The following ZNF131 variants were observed in gnomAD, a reference collection of about 807,000 sequenced individuals.
ZNF131 encodes zinc finger protein 131.
A neutral mutation model predicts 60.0 loss-of-function variants in ZNF131; 7 were observed. The ratio of observed to expected loss-of-function variants is 0.12; its 90% confidence interval spans 0.07 to 0.22. The LOEUF (loss-of-function observed/expected upper bound fraction) is 0.22. Ranked by LOEUF, ZNF131 falls within the 10% of genes least tolerant of loss-of-function variation. The pLI, the probability that ZNF131 is intolerant of heterozygous loss-of-function variation, is 1.00. For synonymous variants in ZNF131, 257 were observed against 253.2 expected (o/e 1.01, Z -0.14); for missense variants, 493 against 740.9 (o/e 0.67, Z 3.88).
At chr5:43,123,121 T>G (rs950866011) in intron 2 of ZNF131, 88 bp from the exon 3 acceptor site, 2 of 1,022,126 alleles carry the variant, frequency 2.0e-6, no homozygotes, top group African/African-American at 3.3e-5. Context: ...CCTATTTTGC[T>G]TTATATGATT....
Position 43,176,230 on chromosome 5 carries a change from AAATAT to A in ZNF131, c.*1100_*1104del, listed in dbSNP as rs1288251800. On this transcript the variant is annotated 3_prime_UTR_variant, in exon 7 of 7. Transcript: ENST00000682664. ...TTTAATCAGTATTACTTGGAAAATA[AAATAT>A]AACAAACCCATAGACCAATATGCTA... The A allele has an allele frequency of 1.3e-5, 2 of 152,340 alleles. No homozygotes were observed. The highest frequency in any genetic ancestry group is 6.5e-5 in the Admixed American group (1 of 15,296). 9.4% of individuals were successfully genotyped at this position (152,340 alleles called of 1,614,324 possible).
At chr5:43,125,306 T>C (rs1185067108) in intron 3 of ZNF131, among the ~76,000 whole-genome samples, 1 of 151,786 alleles carries the variant, frequency 6.6e-6, no homozygotes, top group Non-Finnish European at 1.5e-5. Context: ...AATTTTTTTT[T>C]TCTTTTTTTT....
intron 4 of ZNF131, among the ~76,000 whole-genome samples, chr5:43,150,127 T>C (rs2111717166): frequency 6.6e-6 from 1 of 152,288 alleles, no homozygotes; most frequent in Admixed American, 6.5e-5. Context: ...CTCACAGTTG[T>C]TTGCATCACA....
intron 5 of ZNF131, among the ~76,000 whole-genome samples, chr5:43,168,420 A>G (rs1472115916): frequency 6.6e-6 from 1 of 152,192 alleles, no homozygotes; most frequent in Non-Finnish European, 1.5e-5. Context: ...CATTATGGCC[A>G]GAGGGTTAGG....
Position 43,161,568 on chromosome 5 carries a change from A to G in ZNF131, c.691A>G (p.Lys231Glu). The change falls in exon 5 of 7, where the codon AAA (lysine) becomes GAA (glutamate). Residue 231 changes from lysine to glutamate, a missense_variant. Around this residue, in one of 7 missense-constraint regions of ZNF131, gnomAD observed 138 missense variants for 158.7 expected, o/e 0.87. Coordinates refer to ENST00000682664, the MANE Select transcript of ZNF131 (RefSeq NM_001330707.2). ...TCAAGGTGACAGAAAAGGGCAGATT[A>G]AAGAAGATGGCTGTCCATCTGACCC... ...YRQGDRKGQI[K>E]EDGCPSDPTS... The G allele has an allele frequency of 6.2e-7, 1 of 1,614,270 alleles. No homozygotes were observed. Among genetic ancestry groups the G allele is most frequent in the Non-Finnish European group, 8.5e-7 (1 of 1,180,044 alleles).
intron 3 of ZNF131, among the ~76,000 whole-genome samples, chr5:43,133,504 C>A (rs1202360617): frequency 6.6e-6 from 1 of 152,058 alleles, no homozygotes; most frequent in African/African-American, 2.4e-5. Context: ...AGTATTTATT[C>A]ATTTATTCCT....
intron 3 of ZNF131, among the ~76,000 whole-genome samples, chr5:43,138,266 A>T (rs1233353819): frequency 6.6e-6 from 1 of 152,246 alleles, no homozygotes; most frequent in African/African-American, 2.4e-5. Context: ...TTCATTGAAC[A>T]TGTGACATTA....
chr5:43,162,910 G>GAAAA (rs200731861), intron 5 of ZNF131, among the ~76,000 whole-genome samples: 1 of 66,758 alleles, frequency 1.5e-5, no homozygotes, highest in South Asian at 6.9e-4. Context: ...TGTCTCAAGG[G>GAAAA]AAAAAAAAAA....
At chr5:43,173,234 C>T (rs1751218358) in intron 5 of ZNF131, 84 bp from the exon 6 acceptor site, 3 of 1,329,418 alleles carry the variant, frequency 2.3e-6, no homozygotes, top group South Asian at 1.9e-5. Context: ...TAAAATTACC[C>T]AAAAAGAAAA....
At chr5:43,153,337 A>AGGGC (rs951275254) in intron 4 of ZNF131, among the ~76,000 whole-genome samples, 1 of 151,948 alleles carries the variant, frequency 6.6e-6, no homozygotes, top group African/African-American at 2.4e-5. Flanking sequence ...AAGAATGTTC[A>AGGGC]GGGCGGGCCA....
chr5:43,173,636 A>G (rs1751258545), intron 6 of ZNF131, among the ~76,000 whole-genome samples, 188 bp downstream of exon 6: 1 of 152,182 alleles, frequency 6.6e-6, no homozygotes, highest in Non-Finnish European at 1.5e-5. Context: ...GATGACACCA[A>G]TGTCAATAAC....
chr5:43,133,454 A>G (rs1339346194), intron 3 of ZNF131, among the ~76,000 whole-genome samples: 2 of 152,188 alleles, frequency 1.3e-5, no homozygotes, highest in Non-Finnish European at 2.9e-5. Flanking sequence ...CAACAGTGGG[A>G]AACTCCATCT....
intron 3 of ZNF131, among the ~76,000 whole-genome samples, chr5:43,127,684 C>T (rs1340324419): frequency 6.6e-6 from 1 of 152,182 alleles, no homozygotes. Flanking sequence ...AGTAAGTTAC[C>T]TTTGATGAAA....
chr5:43,152,011 T>G (rs566767615), intron 4 of ZNF131, among the ~76,000 whole-genome samples: 110 of 152,018 alleles, frequency 7.2e-4, no homozygotes, highest in African/African-American at 2.7e-3. Flanking sequence ...ATTTATTTAT[T>G]TATTTATTTA....
At chr5:43,172,120 T>G (rs531988241) in intron 5 of ZNF131, among the ~76,000 whole-genome samples, 1 of 152,372 alleles carries the variant, frequency 6.6e-6, no homozygotes, top group Admixed American at 6.5e-5. Flanking sequence ...TCTTGCCCCA[T>G]GGCAGTGGGC....
At chr5:43,138,013 A>T (rs1004090141) in intron 3 of ZNF131, among the ~76,000 whole-genome samples, 1 of 152,236 alleles carries the variant, frequency 6.6e-6, no homozygotes, top group African/African-American at 2.4e-5. Flanking sequence ...GGAATCTAAA[A>T]TAGTCACTTC....
intron 5 of ZNF131, among the ~76,000 whole-genome samples, chr5:43,162,862 G>A (rs1320129972): frequency 4.0e-5 from 5 of 124,852 alleles, no homozygotes; most frequent in African/African-American, 1.2e-4. Context: ...CCAAGATCAC[G>A]CCATTGTACT....
At chr5:43,142,464 C>T (rs1373030870) in intron 4 of ZNF131, among the ~76,000 whole-genome samples, 6 of 151,184 alleles carry the variant, frequency 4.0e-5, no homozygotes, top group South Asian at 2.1e-4. Flanking sequence ...CCACCACACC[C>T]GGCTAATTTT....
At position 43,123,732 on chromosome 5, in the gene ZNF131, C is replaced by T. The variant is rs766079211; in HGVS notation, c.226+422C>T. ...TATAGCAGAAGTAGTGATGTATTAG[C>T]AGAGGTACAGATGACATGCAGTGTG... On this transcript the variant is annotated intron_variant, in intron 3 of 6. Transcript: ENST00000682664. The T allele has an allele frequency of 7.3e-4, 113 of 154,820 alleles. 1 individual carries two copies. The highest frequency in any genetic ancestry group is 1.1e-3 in the Non-Finnish European group (74 of 69,734). The allele number at this position is 154,820 out of a possible 1,614,324, so 9.6% of individuals were successfully genotyped here.
Sources: gnomAD v4.1 joint callset for allele counts (sites outside exome capture counted in the v4.1 genomes callset) on GRCh38, gnomAD v4.1.1 for gene constraint, gnomAD v4.1.1 regional missense constraint, MANE v1.5 for transcripts, NCBI Gene and HGNC (gene_info 2026-07-23, HGNC 2026-07-21) for gene names.